KAZN: variants seen among roughly 807,000 people sequenced by gnomAD.
KAZN encodes the protein kazrin.
Under a neutral mutation model 87.4 loss-of-function variants are expected in KAZN, and 40 were observed. That is an observed-to-expected ratio of 0.46 (90% CI 0.36 to 0.60). The LOEUF (loss-of-function observed/expected upper bound fraction) is 0.60, where lower values mean the gene tolerates loss of function less well. Among genes scored for constraint, KAZN ranks in the 20% least tolerant of loss-of-function variants. KAZN has a pLI of 0.00. For synonymous variants in KAZN, 466 were observed against 458.3 expected, an observed-to-expected ratio of 1.02 and a Z score of -0.22; for missense variants, 898 against 1,073.9, an observed-to-expected ratio of 0.84 and a Z score of 2.29.
chr1:14,326,024 T>A (rs1005105648), intron 2 of KAZN, among the ~76,000 whole-genome samples: 1 of 152,078 alleles, frequency 6.6e-6, no homozygotes, highest in African/African-American at 2.4e-5. Flanking sequence ...GCTTGAGAAA[T>A]CATCTCCACA....
chr1:14,135,273 C>A (rs1485082226), intron 1 of KAZN, among the ~76,000 whole-genome samples: 2 of 152,178 alleles, frequency 1.3e-5, no homozygotes, highest in African/African-American at 2.4e-5. Flanking sequence ...GAATTACAAG[C>A]AGCATATAGT....
chr1:14,890,897 G>A (rs1654643242), intron 1 of KAZN, among the ~76,000 whole-genome samples: 1 of 141,868 alleles, frequency 7.0e-6, no homozygotes, highest in African/African-American at 2.6e-5. Context: ...AGGCTGGAGT[G>A]CAGTAGCCGG....
intron 2 of KAZN, among the ~76,000 whole-genome samples, chr1:14,494,890 G>T (rs1198731552): frequency 6.6e-6 from 1 of 152,264 alleles, no homozygotes; most frequent in African/African-American, 2.4e-5. Context: ...AGATAGCCTG[G>T]GTGATGTGGG....
chr1:14,027,212 C>T (rs543433563), intron 1 of KAZN, among the ~76,000 whole-genome samples: 6 of 152,248 alleles, frequency 3.9e-5, no homozygotes, highest in East Asian at 1.9e-4. Flanking sequence ...CTCAAAGCAC[C>T]GCTTGGTTCT....
intron 1 of KAZN, among the ~76,000 whole-genome samples, chr1:14,775,712 G>T (rs1645156324): frequency 6.6e-6 from 1 of 152,232 alleles, no homozygotes; most frequent in Admixed American, 6.5e-5. Context: ...TTTAGCCTTA[G>T]GCTCATAGCA....
At chr1:14,356,100 T>C (rs1659000947) in intron 2 of KAZN, among the ~76,000 whole-genome samples, 1 of 152,224 alleles carries the variant, frequency 6.6e-6, no homozygotes, top group South Asian at 2.1e-4. Flanking sequence ...TGTTGTTTCC[T>C]GACTTTTTAA....
At chr1:14,803,437 C>T (rs995691261) in intron 1 of KAZN, among the ~76,000 whole-genome samples, 1 of 152,182 alleles carries the variant, frequency 6.6e-6, no homozygotes, top group African/African-American at 2.4e-5. Flanking sequence ...GGAAAAGGAC[C>T]AGGGAGTGAG....
intron 2 of KAZN, among the ~76,000 whole-genome samples, chr1:14,525,423 A>G (rs557461184): frequency 2.0e-5 from 3 of 152,256 alleles, no homozygotes; most frequent in Non-Finnish European, 4.4e-5. Flanking sequence ...TGGCCGTTGC[A>G]GAGTAAAAGC....
intron 2 of KAZN, among the ~76,000 whole-genome samples, chr1:14,527,060 C>T (rs1365686067): frequency 2.0e-5 from 3 of 152,052 alleles, no homozygotes; most frequent in East Asian, 1.9e-4. Flanking sequence ...GAAACATCCC[C>T]GAATTCAATG....
At chr1:14,751,473 C>T (rs2100492573) in intron 1 of KAZN, among the ~76,000 whole-genome samples, 1 of 152,296 alleles carries the variant, frequency 6.6e-6, no homozygotes, top group Non-Finnish European at 1.5e-5. Flanking sequence ...CATAGCTTAC[C>T]TCGTTAAAGC....
At chr1:15,031,309 CCCA>C (rs796748465) in intron 2 of KAZN, among the ~76,000 whole-genome samples, 24 of 152,298 alleles carry the variant, frequency 1.6e-4, no homozygotes, top group African/African-American at 5.5e-4. Flanking sequence ...CTCCCTAACC[CCCA>C]CCACCACCTC....
intron 1 of KAZN, among the ~76,000 whole-genome samples, chr1:14,873,718 T>C (rs1436295964): frequency 2.0e-5 from 3 of 152,100 alleles, no homozygotes; most frequent in Non-Finnish European, 2.9e-5. Flanking sequence ...AAATAGACTC[T>C]AGGGAGGAAA....
chr1:14,512,678 C>T (rs1040925588), intron 2 of KAZN, among the ~76,000 whole-genome samples: 1 of 152,246 alleles, frequency 6.6e-6, no homozygotes, highest in African/African-American at 2.4e-5. Flanking sequence ...CACTAGAACA[C>T]AGCCTGCCGG....
rs1676710880 is a variant in KAZN, at chr1:14,598,921, G to A, written c.-77G>A. On this transcript the variant is annotated 5_prime_UTR_variant, in exon 1 of 15. Coordinates refer to ENST00000376030, the MANE Select transcript of KAZN (RefSeq NM_201628.3). The surrounding 1 kb of genome is among the most constrained non-coding windows in gnomAD (Gnocchi z 4.2). Reference sequence around the variant, plus strand: ...CGGAGGACACAACAGGTAGAGCCGGGGGTGCCCGGCCGCGCGCCCCCCGCG... The same window carrying A: ...CGGAGGACACAACAGGTAGAGCCGGAGGTGCCCGGCCGCGCGCCCCCCGCG... The A allele has an allele frequency of 1.9e-6, 3 of 1,551,738 alleles. No individual in the cohort carries two copies. Among genetic ancestry groups the A allele is most frequent in the South Asian group, 1.2e-5 (1 of 83,446 alleles).
chr1:14,669,419 T>C (rs752121133), intron 1 of KAZN, among the ~76,000 whole-genome samples: 2 of 152,214 alleles, frequency 1.3e-5, no homozygotes, highest in African/African-American at 2.4e-5. Context: ...TGAAAAACCC[T>C]GCTCTAATTC....
intron 1 of KAZN, among the ~76,000 whole-genome samples, chr1:14,876,326 G>T (rs1652765328): frequency 6.6e-6 from 1 of 152,248 alleles, no homozygotes. Context: ...CAGCCAGAAT[G>T]ACATTAGCGA....
chr1:14,958,495 T>C (rs909317223), intron 1 of KAZN, among the ~76,000 whole-genome samples: 2 of 151,632 alleles, frequency 1.3e-5, no homozygotes, highest in Non-Finnish European at 3.0e-5. Context: ...CATGGAGCAC[T>C]TCCTTTATGA....
chr1:14,670,725 G>T (rs1039062568), intron 1 of KAZN, among the ~76,000 whole-genome samples: 1 of 152,168 alleles, frequency 6.6e-6, no homozygotes, highest in African/African-American at 2.4e-5. Context: ...TGAATCTCTT[G>T]TTAAAACACA....
intron 2 of KAZN, among the ~76,000 whole-genome samples, chr1:14,327,992 G>GT (rs1217176427): frequency 6.6e-6 from 1 of 152,126 alleles, no homozygotes; most frequent in African/African-American, 2.4e-5. Context: ...TGGATCACTT[G>GT]TTTTTTTCTT....
Sources: allele counts gnomAD v4.1 joint callset (sites outside exome capture counted in the v4.1 genomes callset), GRCh38; gene constraint gnomAD v4.1.1; non-coding constraint Gnocchi (gnomAD v3.1); transcripts MANE v1.5; gene names NCBI Gene and HGNC (gene_info 2026-07-23, HGNC 2026-07-21).